The following GLRA1 variants were observed in gnomAD, a reference collection of about 807,000 sequenced individuals.
The protein encoded by GLRA1 is glycine receptor subunit alpha-1.
A neutral mutation model predicts 48.3 loss-of-function variants in GLRA1; 37 were observed. The ratio of observed to expected loss-of-function variants is 0.77; its 90% confidence interval spans 0.59 to 1.01. The LOEUF is 1.01. Among genes scored for constraint, GLRA1 ranks in the 50% least tolerant of loss-of-function variants. The pLI, the probability that GLRA1 is intolerant of heterozygous loss-of-function variation, is 0.00. For synonymous variants in GLRA1, 196 were observed against 210.7 expected, an observed-to-expected ratio of 0.93 and a Z score of 0.60; for missense variants, 427 against 571.0, an observed-to-expected ratio of 0.75 and a Z score of 2.57.
At position 151,915,349 on chromosome 5, in the gene GLRA1, A is replaced by AT. The variant is rs1489363435; in HGVS notation, c.56+9144dup. Among the ~76,000 whole-genome samples, 13 of 152,262 alleles carry AT rather than the reference A, an allele frequency of 8.5e-5. No homozygotes were observed. In the East Asian group the frequency reaches 1.2e-3, roughly 14 times the overall value. ...AGTTATCTATCAACATATAAGATGC[A>AT]TTTTTTCTGTACCCCAGCAGTTTCA... On this transcript the variant is annotated intron_variant, in intron 1 of 8. Transcript: ENST00000274576.
rs281864920 is a variant in GLRA1 at position 151,851,410 on chromosome 5, A to C, written c.892T>G (p.Ser298Ala). Residue 298 changes from serine (S) to alanine (A), a missense_variant, in exon 7 of 9, where the codon TCT (serine) becomes GCT (alanine). Physicochemically the swap from Ser to Ala is moderately conservative, Grantham distance 99. Transcript: ENST00000274576. ...VLTMTTQSSGSRASLPKVSYV... is the reference protein window; with the variant it reads ...VLTMTTQSSGARASLPKVSYV... ...CTTACCTTGGGCAGAGATGCTCGAG[A>C]GCCGGAGCTCTGGGTGGTCATGGTG... 2 of 1,613,308 alleles carry C rather than the reference A, an allele frequency of 1.2e-6. No homozygotes were observed. The highest frequency in any genetic ancestry group is 2.2e-5 in the East Asian group (1 of 44,876).
intron 3 of GLRA1, among the ~76,000 whole-genome samples, chr5:151,874,089 G>T (rs1464144267): frequency 6.6e-6 from 1 of 152,110 alleles, no homozygotes; most frequent in Non-Finnish European, 1.5e-5. Flanking sequence ...AGGGAGAGCC[G>T]ATCTCAATTA....
At chr5:151,844,339 A>G (rs983473016) in intron 7 of GLRA1, among the ~76,000 whole-genome samples, 6 of 150,750 alleles carry the variant, frequency 4.0e-5, no homozygotes, top group African/African-American at 1.5e-4. Flanking sequence ...AATGACACCA[A>G]GGCCAGGAGC....
chr5:151,850,199 C>A, intron 7 of GLRA1: 1 of 1,603,566 alleles, frequency 6.2e-7, no homozygotes, highest in Non-Finnish European at 8.5e-7. Flanking sequence ...GCAGGGACAT[C>A]GTGGAGGCCC....
In GLRA1 at chr5:151,822,580, C is replaced by A; in HGVS notation, c.*93G>T. The A allele has an allele frequency of 1.1e-6, 1 of 882,816 alleles. No individual in the cohort carries two copies. Among genetic ancestry groups the A allele is most frequent in the Non-Finnish European group, 1.9e-6 (1 of 520,660 alleles). 54.7% of individuals were successfully genotyped at this position (882,816 alleles called of 1,614,324 possible). A position where few individuals can be genotyped will look rare whatever the true frequency, so the allele number is the denominator to read the frequency against. ...AGAGAGAGTTGTGTAAGTGTGCCCC[C>A]TCCCTCCGTTCCCCTTCTCTTCCTT... On this transcript the variant is annotated 3_prime_UTR_variant, in exon 9 of 9. Coordinates refer to ENST00000274576, the MANE Select transcript of GLRA1 (RefSeq NM_000171.4).
chr5:151,860,052 G>T, intron 3 of GLRA1, 44 bp from the exon 4 acceptor site: 1 of 1,475,722 alleles, frequency 6.8e-7, no homozygotes, highest in Non-Finnish European at 9.5e-7. Flanking sequence ...TTAGGCCCAA[G>T]GACATCAACT....
At chr5:151,893,305 T>C (rs1221904226) in intron 1 of GLRA1, among the ~76,000 whole-genome samples, 1 of 139,350 alleles carries the variant, frequency 7.2e-6, no homozygotes. Context: ...TCTTTCTTTC[T>C]TTCTTTCTTT....
chr5:151,839,477 G>A (rs1307504800), intron 7 of GLRA1, among the ~76,000 whole-genome samples: 1 of 152,180 alleles, frequency 6.6e-6, no homozygotes, highest in Non-Finnish European at 1.5e-5. Context: ...TATGATAATA[G>A]TGCAAAGGAA....
intron 3 of GLRA1, among the ~76,000 whole-genome samples, chr5:151,861,636 T>C (rs760414644): frequency 3.9e-5 from 6 of 152,084 alleles, no homozygotes; most frequent in Non-Finnish European, 7.4e-5. Context: ...TAGCCCTTTG[T>C]CAGACAAACA....
intron 8 of GLRA1, among the ~76,000 whole-genome samples, chr5:151,825,681 T>G (rs1449765416): frequency 2.0e-5 from 3 of 152,186 alleles, no homozygotes; most frequent in Non-Finnish European, 4.4e-5. Flanking sequence ...CTCACAGATA[T>G]GGTTTCCTGA....
At chr5:151,884,646 C>T (rs554550329) in intron 3 of GLRA1, among the ~76,000 whole-genome samples, 1 of 152,260 alleles carries the variant, frequency 6.6e-6, no homozygotes, top group South Asian at 2.1e-4. Flanking sequence ...AAGGCTATAT[C>T]TTTCTTTTTT....
In GLRA1 at chr5:151,868,553, G is replaced by C. The variant is rs114924285; in HGVS notation, c.253-8545C>G. On this transcript the variant is annotated intron_variant, in intron 3 of 8. Coordinates refer to ENST00000274576, the MANE Select transcript of GLRA1 (RefSeq NM_000171.4). ...TTGAACCCAGGACGTTAATGTCAGA[G>C]CCCAAGCGTTTAACCAGTAGACTAC... Among the ~76,000 whole-genome samples the C allele has an allele frequency of 5.3e-3, 800 of 152,234 alleles. 9 individuals are homozygous for C. Among genetic ancestry groups the C allele is most frequent in the African/African-American group, 0.018 (753 of 41,538 alleles).
At chr5:151,886,145 C>T (rs1370205080) in intron 3 of GLRA1, among the ~76,000 whole-genome samples, 1 of 152,088 alleles carries the variant, frequency 6.6e-6, no homozygotes, top group Non-Finnish European at 1.5e-5. Flanking sequence ...ATATTCACCC[C>T]TTGCAGAAAT....
intron 3 of GLRA1, among the ~76,000 whole-genome samples, chr5:151,860,807 A>G (rs1753177639): frequency 6.6e-6 from 1 of 152,156 alleles, no homozygotes; most frequent in African/African-American, 2.4e-5. Flanking sequence ...TACATGTGCC[A>G]TGTTGGTGTG....
intron 7 of GLRA1, among the ~76,000 whole-genome samples, chr5:151,835,761 C>A (rs1238460496): frequency 6.6e-6 from 1 of 152,136 alleles, no homozygotes; most frequent in Non-Finnish European, 1.5e-5. Context: ...ATTCCACACC[C>A]CTTCATGCTA....
intron 3 of GLRA1, among the ~76,000 whole-genome samples, chr5:151,875,355 G>A (rs1199093228): frequency 6.6e-6 from 1 of 152,052 alleles, no homozygotes; most frequent in East Asian, 1.9e-4. Context: ...TAATTTTTTT[G>A]TAGAGATGGG....
At chr5:151,919,476 G>C (rs1176786818) in intron 1 of GLRA1, among the ~76,000 whole-genome samples, 1 of 152,142 alleles carries the variant, frequency 6.6e-6, no homozygotes, top group East Asian at 1.9e-4. Context: ...ATCATGTCTG[G>C]GTCGGGATAA....
At chr5:151,915,759 A>T (rs1754723341) in intron 1 of GLRA1, among the ~76,000 whole-genome samples, 1 of 151,402 alleles carries the variant, frequency 6.6e-6, no homozygotes, top group Non-Finnish European at 1.5e-5. Flanking sequence ...ATCAAAAAGG[A>T]TAACAGTTGA....
chr5:151,835,744 T>C (rs1487741464), intron 7 of GLRA1, among the ~76,000 whole-genome samples: 1 of 152,218 alleles, frequency 6.6e-6, no homozygotes, highest in African/African-American at 2.4e-5. Flanking sequence ...AAAAGGCCTT[T>C]GATAAAATTC....
Sources: gnomAD v4.1 joint callset for allele counts (sites outside exome capture counted in the v4.1 genomes callset) on GRCh38, gnomAD v4.1.1 for gene constraint, MANE v1.5 for transcripts, NCBI Gene and HGNC (gene_info 2026-07-23, HGNC 2026-07-21) for gene names.